MORN4: variants seen among roughly 807,000 people sequenced by gnomAD.
MORN4 encodes the protein MORN repeat-containing protein 4.
A neutral mutation model predicts 16.4 loss-of-function variants in MORN4; 8 were observed. The ratio of observed to expected loss-of-function variants is 0.49; its 90% CI spans 0.29 to 0.88. The LOEUF (loss-of-function observed/expected upper bound fraction) is 0.88. Ranked by LOEUF, MORN4 falls within the 40% of genes least tolerant of loss-of-function variation. The pLI, the probability that MORN4 is intolerant of heterozygous loss-of-function variation, is 0.09. For missense variants in MORN4, 159 were observed against 182.9 expected (o/e 0.87, Z 0.75); for synonymous variants, 53 against 68.9 (o/e 0.77, Z 1.14).
At chr10:97,617,099 C>A in intron 3 of MORN4, 109 bp downstream of exon 3, 1 of 862,632 alleles carries the variant, frequency 1.2e-6, no homozygotes, top group South Asian at 1.4e-5. Flanking sequence ...CATCTGTGTT[C>A]TGCAGGGAGT....
chr10:97,619,449 A>C (rs10159784), intron 2 of MORN4, 138 bp downstream of exon 2: 30,417 of 709,896 alleles, frequency 0.043, 2,071 homozygotes, highest in East Asian at 0.2. Flanking sequence ...AAATGGAATA[A>C]AGGAATGGCA....
chr10:97,617,954 C>A (rs2041251307), intron 2 of MORN4, among the ~76,000 whole-genome samples: 1 of 152,094 alleles, frequency 6.6e-6, no homozygotes, highest in African/African-American at 2.4e-5. Flanking sequence ...GCGGGCAGAT[C>A]ACCTGAGGTC....
intron 1 of MORN4, among the ~76,000 whole-genome samples, chr10:97,627,846 T>C (rs1459325469): frequency 6.6e-6 from 1 of 152,206 alleles, no homozygotes; most frequent in Non-Finnish European, 1.5e-5. Flanking sequence ...ACTTGCCATG[T>C]CATCTCTGTC....
intron 1 of MORN4, among the ~76,000 whole-genome samples, chr10:97,631,239 G>A (rs1042423233): frequency 2.0e-5 from 3 of 152,074 alleles, no homozygotes; most frequent in Admixed American, 2.0e-4. Flanking sequence ...AGGAGTTTAG[G>A]CTACAGATAC....
At chr10:97,621,984 C>G (rs2041301330) in intron 1 of MORN4, among the ~76,000 whole-genome samples, 1 of 152,188 alleles carries the variant, frequency 6.6e-6, no homozygotes, top group South Asian at 2.1e-4. Context: ...TGCAAAGCAC[C>G]TGTGCACTGG....
At chr10:97,618,916 C>A (rs368541238) in intron 2 of MORN4, among the ~76,000 whole-genome samples, 1 of 151,794 alleles carries the variant, frequency 6.6e-6, no homozygotes, top group South Asian at 2.1e-4. Flanking sequence ...AGTTACTTAG[C>A]TTCTCCTTGC....
intron 1 of MORN4, among the ~76,000 whole-genome samples, chr10:97,619,976 A>G (rs1233683486): frequency 6.6e-6 from 1 of 152,130 alleles, no homozygotes; most frequent in Admixed American, 6.6e-5. Context: ...TTTGATACCT[A>G]CTATGTGCTC....
chr10:97,623,657 C>T (rs1054310199), intron 1 of MORN4, among the ~76,000 whole-genome samples: 1 of 152,068 alleles, frequency 6.6e-6, no homozygotes, highest in African/African-American at 2.4e-5. Context: ...ATCCTCCAAT[C>T]CCCTCTTAGA....
At chr10:97,630,192 G>A (rs1409155134) in intron 1 of MORN4, among the ~76,000 whole-genome samples, 1 of 152,132 alleles carries the variant, frequency 6.6e-6, no homozygotes, top group Non-Finnish European at 1.5e-5. Flanking sequence ...CTCCCGAAGT[G>A]CTGGGATTAC....
At chr10:97,632,212 C>CTTTTTTTTTT (rs1162979185) in intron 1 of MORN4, among the ~76,000 whole-genome samples, 6 of 86,972 alleles carry the variant, frequency 6.9e-5, no homozygotes, top group Non-Finnish European at 8.4e-5. Context: ...TAATACTCCC[C>CTTTTTTTTTT]TTTTTTTTTT....
intron 1 of MORN4, among the ~76,000 whole-genome samples, chr10:97,627,289 G>T (rs1489609853): frequency 6.6e-6 from 1 of 150,638 alleles, no homozygotes; most frequent in Non-Finnish European, 1.5e-5. Context: ...CATTACAGGT[G>T]TGTGCCACCA....
At chr10:97,627,949 C>T (rs1017949131) in intron 1 of MORN4, among the ~76,000 whole-genome samples, 9 of 152,188 alleles carry the variant, frequency 5.9e-5, no homozygotes, top group African/African-American at 2.2e-4. Context: ...TAGAGGCCAA[C>T]ATGACTCCAT....
intron 2 of MORN4, 138 bp from the exon 3 acceptor site, chr10:97,617,460 G>T (rs1383013915): frequency 1.4e-6 from 1 of 711,654 alleles, no homozygotes; most frequent in East Asian, 2.6e-5. Flanking sequence ...CAGGGCAGAG[G>T]ATTATTAGCC....
chr10:97,616,567 A>G, intron 4 of MORN4, 111 bp downstream of exon 4: 1 of 1,227,544 alleles, frequency 8.1e-7, no homozygotes, highest in Non-Finnish European at 1.2e-6. Context: ...GATAGGTGTC[A>G]GGGACGGCCA....
At chr10:97,619,990 C>G (rs1190562966) in intron 1 of MORN4, among the ~76,000 whole-genome samples, 2 of 151,950 alleles carry the variant, frequency 1.3e-5, no homozygotes, top group East Asian at 1.9e-4. Context: ...TGTGCTCAGT[C>G]GATGTATAAA....
chr10:97,623,805 G>A (rs1329296740), intron 1 of MORN4, among the ~76,000 whole-genome samples: 1 of 150,604 alleles, frequency 6.6e-6, no homozygotes, highest in Non-Finnish European at 1.5e-5. Flanking sequence ...GCATGATCTC[G>A]GCTGACTGCA....
In MORN4 at chr10:97,619,709, C is replaced by G. The variant is rs556496046; in HGVS notation, c.-30-26G>C. 115 of 1,579,510 alleles carry G rather than the reference C, an allele frequency of 7.3e-5. No individual in the cohort carries two copies. The African/African-American group carries it at 1.2e-3, about 16-fold the overall frequency. ...CTGTAGGAAATAAGCAAAGGAGAAC[C>G]AGTGTCATGGAATGGCGGGAGGAAA... On this transcript the variant is annotated intron_variant, in intron 1 of 4. Transcript: ENST00000307450.
intron 1 of MORN4, among the ~76,000 whole-genome samples, chr10:97,622,711 C>T (rs987423970): frequency 1.1e-4 from 14 of 123,384 alleles, no homozygotes; most frequent in South Asian, 2.4e-4. Context: ...AAAAAAAAAA[C>T]GGAAGAAGAA....
At chr10:97,630,618 T>A (rs1312638018) in intron 1 of MORN4, among the ~76,000 whole-genome samples, 1 of 152,202 alleles carries the variant, frequency 6.6e-6, no homozygotes, top group Non-Finnish European at 1.5e-5. Context: ...GTGTGTAGAA[T>A]CCATGAGTCT....
Sources: allele counts gnomAD v4.1 joint callset (sites outside exome capture counted in the v4.1 genomes callset), GRCh38; gene constraint gnomAD v4.1.1; transcripts MANE v1.5; gene names NCBI Gene and HGNC (gene_info 2026-07-23, HGNC 2026-07-21).